DLG2: variants seen among roughly 807,000 people sequenced by gnomAD.
DLG2 encodes the protein discs large MAGUK scaffold protein 2, also known as disks large homolog 2.
DLG2 carries 45 observed loss-of-function variants against 132.5 expected under a neutral mutation model. The ratio of observed to expected loss-of-function variants is 0.34; its 90% CI spans 0.27 to 0.44. The LOEUF is 0.44. Ranked by LOEUF, DLG2 falls within the 20% of genes least tolerant of loss-of-function variation. The probability of loss-of-function intolerance (pLI) is 1.00; values close to 1 mark genes in which losing one functional copy is unlikely to be tolerated. For synonymous variants in DLG2, 424 were observed against 419.6 expected (o/e 1.01, Z -0.13); for missense variants, 1,045 against 1,196.9 (o/e 0.87, Z 1.87).
chr11:85,368,602 T>C (rs1371731011), intron 3 of DLG2, among the ~76,000 whole-genome samples: 1 of 152,182 alleles, frequency 6.6e-6, no homozygotes, highest in Non-Finnish European at 1.5e-5. Context: ...TAGAACGAGG[T>C]GTACTACCCA....
intron 3 of DLG2, among the ~76,000 whole-genome samples, chr11:85,308,951 A>C (rs1184886996): frequency 6.6e-6 from 1 of 152,060 alleles, no homozygotes; most frequent in African/African-American, 2.4e-5. Flanking sequence ...ATTGACACCC[A>C]TTCGCCTCAC....
At chr11:84,839,193 A>G (rs1176691340) in intron 6 of DLG2, among the ~76,000 whole-genome samples, 2 of 151,914 alleles carry the variant, frequency 1.3e-5, no homozygotes, top group Non-Finnish European at 2.9e-5. Context: ...TTCCTATACA[A>G]CAATAAAAGA....
intron 7 of DLG2, among the ~76,000 whole-genome samples, chr11:84,437,998 GAA>G (rs1298994593): frequency 1.3e-5 from 2 of 152,140 alleles, no homozygotes; most frequent in East Asian, 3.9e-4. Context: ...CAGGCATGGG[GAA>G]GAGAGCTGCC....
chr11:84,834,641 C>G (rs965146193), intron 6 of DLG2, among the ~76,000 whole-genome samples: 20 of 151,384 alleles, frequency 1.3e-4, no homozygotes, highest in Admixed American at 5.3e-4. Context: ...GGGGTTAGGA[C>G]TGAATATGGA....
intron 6 of DLG2, among the ~76,000 whole-genome samples, chr11:84,747,156 G>T (rs1271778486): frequency 6.6e-6 from 1 of 152,146 alleles, no homozygotes; most frequent in African/African-American, 2.4e-5. Flanking sequence ...GTTCTGTGAG[G>T]AAGAAGGGAG....
At chr11:83,618,433 C>T (rs948679126) in intron 19 of DLG2, among the ~76,000 whole-genome samples, 9 of 152,288 alleles carry the variant, frequency 5.9e-5, no homozygotes, top group African/African-American at 2.2e-4. Context: ...AGGAAGTACC[C>T]TCTCTTTTCT....
intron 6 of DLG2, among the ~76,000 whole-genome samples, chr11:85,084,712 A>T (rs1407554402): frequency 6.6e-6 from 1 of 152,146 alleles, no homozygotes; most frequent in East Asian, 1.9e-4. Context: ...TTATCCTTCA[A>T]CAATAGATAG....
chr11:84,308,330 T>C (rs1002786910), intron 7 of DLG2, among the ~76,000 whole-genome samples: 1 of 151,998 alleles, frequency 6.6e-6, no homozygotes, highest in African/African-American at 2.4e-5. Flanking sequence ...AGAGTGTCGA[T>C]TGGTGCATTC....
intron 14 of DLG2, among the ~76,000 whole-genome samples, chr11:83,944,093 C>T (rs1006337385): frequency 2.6e-5 from 4 of 152,040 alleles, no homozygotes; most frequent in Non-Finnish European, 5.9e-5. Context: ...AAATTCTTCC[C>T]TCAACCATTA....
intron 3 of DLG2, among the ~76,000 whole-genome samples, chr11:85,293,578 G>T (rs1249077382): frequency 6.6e-6 from 1 of 152,010 alleles, no homozygotes; most frequent in Non-Finnish European, 1.5e-5. Flanking sequence ...ATTATAAGAC[G>T]TTCTACTACA....
At chr11:85,238,001 G>A (rs916155300) in intron 4 of DLG2, among the ~76,000 whole-genome samples, 1 of 151,694 alleles carries the variant, frequency 6.6e-6, no homozygotes, top group Admixed American at 6.6e-5. Flanking sequence ...AAATCCTGGT[G>A]CTCACTTCTT....
chr11:84,777,373 G>C (rs1387999720), intron 6 of DLG2, among the ~76,000 whole-genome samples: 1 of 141,528 alleles, frequency 7.1e-6, no homozygotes, highest in Non-Finnish European at 1.5e-5. Context: ...TGTTTATTCT[G>C]TATCTTTGCT....
intron 6 of DLG2, among the ~76,000 whole-genome samples, chr11:84,894,885 C>A (rs2089975048): frequency 7.3e-6 from 1 of 137,896 alleles, no homozygotes; most frequent in South Asian, 2.2e-4. Flanking sequence ...CCTGCTGAGA[C>A]CCCTTGCGGA....
intron 18 of DLG2, among the ~76,000 whole-genome samples, chr11:83,665,407 A>G (rs1052549875): frequency 6.6e-6 from 1 of 152,234 alleles, no homozygotes; most frequent in South Asian, 2.1e-4. Flanking sequence ...ATGCTATAAG[A>G]GTTAAACCAG....
At chr11:85,601,307 C>T (rs769256852) in intron 2 of DLG2, among the ~76,000 whole-genome samples, 2 of 151,884 alleles carry the variant, frequency 1.3e-5, no homozygotes, top group Non-Finnish European at 2.9e-5. Context: ...CATGCCTGGT[C>T]CATAGTTTAT....
intron 16 of DLG2, among the ~76,000 whole-genome samples, chr11:83,866,245 A>G (rs773759633): frequency 2.6e-5 from 4 of 152,160 alleles, no homozygotes; most frequent in Non-Finnish European, 5.9e-5. Flanking sequence ...AAACAGAATC[A>G]AGTTAAAAAA....
At chr11:85,096,233 C>T (rs903331008) in intron 6 of DLG2, among the ~76,000 whole-genome samples, 13 of 152,286 alleles carry the variant, frequency 8.5e-5, no homozygotes, top group East Asian at 3.9e-4. Flanking sequence ...GCAACCTGCT[C>T]GGGTCCCCTT....
Position 84,164,024 on chromosome 11 carries a change from T to A in DLG2, c.574-513A>T, listed in dbSNP as rs1352465576. Among the ~76,000 whole-genome samples the A allele has an allele frequency of 2.0e-5, 3 of 152,160 alleles. No homozygotes were observed. In the East Asian group the frequency reaches 5.8e-4, roughly 29 times the overall value. On this transcript the variant is annotated intron_variant, in intron 8 of 27. Coordinates refer to ENST00000376104, the MANE Select transcript of DLG2 (RefSeq NM_001142699.3). ...CTCAAGCTCAGGTAAATCATCCCCA[T>A]CATCCTTTTATTATCTTTATTGGAA...
chr11:84,235,499 G>A (rs1168180171), intron 8 of DLG2, among the ~76,000 whole-genome samples: 1 of 152,008 alleles, frequency 6.6e-6, no homozygotes, highest in Non-Finnish European at 1.5e-5. Context: ...AGACATGATA[G>A]CACCACTGTA....
Sources: allele counts gnomAD v4.1 joint callset (sites outside exome capture counted in the v4.1 genomes callset), GRCh38; gene constraint gnomAD v4.1.1; transcripts MANE v1.5; gene names NCBI Gene and HGNC (gene_info 2026-07-23, HGNC 2026-07-21).